Variants in FAM13A observed in about 807,000 individuals in gnomAD.
FAM13A encodes the protein protein FAM13A.
FAM13A carries 76 observed loss-of-function variants against 129.6 expected under a neutral mutation model. The observed-to-expected ratio is 0.59, with a 90% CI of 0.49 to 0.71. The LOEUF (loss-of-function observed/expected upper bound fraction) is 0.71. FAM13A is among the 30% of genes least tolerant of loss of function. The probability of loss-of-function intolerance (pLI) is 0.00; values close to 1 mark genes in which losing one functional copy is unlikely to be tolerated. For synonymous variants in FAM13A, 443 were observed against 449.9 expected, an observed-to-expected ratio of 0.98 and a Z score of 0.20; for missense variants, 1,108 against 1,249.3, an observed-to-expected ratio of 0.89 and a Z score of 1.70.
At chr4:88,886,120 G>A (rs559964203) in intron 6 of FAM13A, among the ~76,000 whole-genome samples, 1 of 152,250 alleles carries the variant, frequency 6.6e-6, no homozygotes, top group African/African-American at 2.4e-5. Context: ...ATTCCTTAAA[G>A]CACTAAAAGT....
chr4:89,056,399 A>T (rs192124559), intron 1 of FAM13A, among the ~76,000 whole-genome samples: 118 of 152,318 alleles, frequency 7.7e-4, no homozygotes, highest in African/African-American at 2.8e-3. Flanking sequence ...TATAACAACC[A>T]TTCATTTCTA....
intron 7 of FAM13A, among the ~76,000 whole-genome samples, chr4:88,812,040 G>A (rs1300875863): frequency 1.3e-5 from 2 of 152,148 alleles, no homozygotes; most frequent in East Asian, 3.9e-4. Context: ...CCTGCTCATT[G>A]AGTTCACTGT....
At chr4:88,962,790 C>G (rs1037405217) in intron 4 of FAM13A, among the ~76,000 whole-genome samples, 1 of 152,076 alleles carries the variant, frequency 6.6e-6, no homozygotes, top group Admixed American at 6.6e-5. Flanking sequence ...AAATTGACAG[C>G]AATCTAAATG....
chr4:88,819,831 A>G (rs1376446893), intron 7 of FAM13A, among the ~76,000 whole-genome samples: 1 of 152,218 alleles, frequency 6.6e-6, no homozygotes, highest in African/African-American at 2.4e-5. Flanking sequence ...TTTAAAAAAT[A>G]ACTGGGACTG....
chr4:88,744,361 C>T (rs1740853564), intron 19 of FAM13A, among the ~76,000 whole-genome samples: 1 of 152,130 alleles, frequency 6.6e-6, no homozygotes, highest in African/African-American at 2.4e-5. Flanking sequence ...AGAGGACGCA[C>T]TTTAATAATA....
At chr4:88,822,542 T>C (rs1483593903) in intron 7 of FAM13A, among the ~76,000 whole-genome samples, 1 of 152,224 alleles carries the variant, frequency 6.6e-6, no homozygotes, top group Non-Finnish European at 1.5e-5. Flanking sequence ...AATCCTTGCC[T>C]AGATCTGAAC....
Position 88,899,316 on chromosome 4 carries a change from T to C in FAM13A, c.843+7063A>G, listed in dbSNP as rs556343885. ...TGAGGATGCAAAGGGATAAGAATGA[T>C]ACAATGGACTTTGGGGGAAAGGGTG... On this transcript the variant is annotated intron_variant, in intron 6 of 23. Transcript: ENST00000264344. 1.4e-4 allele frequency among the ~76,000 whole-genome samples: 21 copies of C among 152,034 alleles called. No homozygotes were observed. In the South Asian group the frequency reaches 2.3e-3, roughly 17 times the overall value.
chr4:88,805,528 T>C (rs1021692345), intron 7 of FAM13A, among the ~76,000 whole-genome samples: 13 of 152,160 alleles, frequency 8.5e-5, no homozygotes, highest in Admixed American at 3.3e-4. Flanking sequence ...AGCACCATAC[T>C]CACGGGCTCT....
At chr4:88,927,240 C>T (rs905186390) in intron 5 of FAM13A, among the ~76,000 whole-genome samples, 2 of 149,724 alleles carry the variant, frequency 1.3e-5, no homozygotes, top group African/African-American at 2.5e-5. Flanking sequence ...AATGGGATTT[C>T]TTCTTGATTT....
chr4:88,959,941 T>G (rs981454127), intron 4 of FAM13A, among the ~76,000 whole-genome samples: 2 of 152,216 alleles, frequency 1.3e-5, no homozygotes, highest in Admixed American at 6.5e-5. Flanking sequence ...CTTGCTTAAC[T>G]ACCGCATCCT....
chr4:88,813,436 T>C (rs1350506), intron 7 of FAM13A, among the ~76,000 whole-genome samples: 78,042 of 151,940 alleles, frequency 0.51, 20,272 homozygotes, highest in East Asian at 0.7. Flanking sequence ...GAGAAAATAT[T>C]TTTATAACAT....
chr4:89,002,993 G>A (rs892548883), intron 3 of FAM13A, among the ~76,000 whole-genome samples: 1 of 152,016 alleles, frequency 6.6e-6, no homozygotes, highest in African/African-American at 2.4e-5. Context: ...GTCATTTAAA[G>A]AAACTATAAT....
chr4:88,830,021 T>C (rs552125446), intron 7 of FAM13A, among the ~76,000 whole-genome samples: 4 of 152,318 alleles, frequency 2.6e-5, no homozygotes, highest in Admixed American at 6.5e-5. Context: ...TATGTGTGTG[T>C]GCGCATATAT....
At chr4:89,032,949 T>C (rs1768899438) in intron 1 of FAM13A, among the ~76,000 whole-genome samples, 1 of 152,218 alleles carries the variant, frequency 6.6e-6, no homozygotes, top group African/African-American at 2.4e-5. Flanking sequence ...TCTAACAAGA[T>C]GGGTGACAGC....
At chr4:88,951,250 G>A (rs1314206732) in intron 4 of FAM13A, among the ~76,000 whole-genome samples, 1 of 152,126 alleles carries the variant, frequency 6.6e-6, no homozygotes, top group South Asian at 2.1e-4. Context: ...TGATGGGATG[G>A]GGCGAGTGGC....
intron 19 of FAM13A, among the ~76,000 whole-genome samples, chr4:88,745,998 A>G (rs1469826474): frequency 6.6e-6 from 1 of 152,192 alleles, no homozygotes; most frequent in Non-Finnish European, 1.5e-5. Flanking sequence ...AGGTGAACAA[A>G]GCCCAGAATC....
intron 7 of FAM13A, among the ~76,000 whole-genome samples, chr4:88,824,300 G>C (rs1732602233): frequency 6.6e-6 from 1 of 151,972 alleles, no homozygotes; most frequent in Non-Finnish European, 1.5e-5. Flanking sequence ...GTAGGCATGA[G>C]GTATCCCCTT....
intron 4 of FAM13A, among the ~76,000 whole-genome samples, chr4:88,973,654 C>A (rs77349549): frequency 0.052 from 7,938 of 152,192 alleles, 325 homozygotes; most frequent in South Asian, 0.24. Context: ...TTGATGCTTG[C>A]TCTGCCACTT....
chr4:88,792,506 T>C (rs1435319555), intron 8 of FAM13A, among the ~76,000 whole-genome samples: 2 of 152,098 alleles, frequency 1.3e-5, no homozygotes, highest in African/African-American at 4.8e-5. Context: ...AATAAAACCC[T>C]TTCTGCTTTC....
Sources: gnomAD v4.1 joint callset for allele counts (sites outside exome capture counted in the v4.1 genomes callset) on GRCh38, gnomAD v4.1.1 for gene constraint, MANE v1.5 for transcripts, NCBI Gene and HGNC (gene_info 2026-07-23, HGNC 2026-07-21) for gene names.